Variants in GSS observed in about 807,000 individuals in gnomAD.
GSS encodes GSH synthetase.
A neutral mutation model predicts 60.4 loss-of-function variants in GSS; 34 were observed. That is an observed-to-expected ratio of 0.56 (90% confidence interval 0.43 to 0.75). The LOEUF (loss-of-function observed/expected upper bound fraction) is 0.75. Among genes scored for constraint, GSS ranks in the 30% least tolerant of loss-of-function variants. GSS has a pLI of 0.00. For synonymous variants in GSS, 224 were observed against 239.0 expected, an observed-to-expected ratio of 0.94 and a Z score of 0.58; for missense variants, 499 against 595.1, an observed-to-expected ratio of 0.84 and a Z score of 1.68.
intron 6 of GSS, among the ~76,000 whole-genome samples, chr20:34,939,673 G>T (rs1320377126): frequency 5.6e-4 from 77 of 138,128 alleles, no homozygotes; most frequent in South Asian, 3.5e-3. Context: ...TTTGTTTTTT[G>T]TTTTTTTTTT....
intron 6 of GSS, among the ~76,000 whole-genome samples, chr20:34,939,527 T>C (rs2081466825): frequency 1.3e-5 from 2 of 152,220 alleles, no homozygotes; most frequent in African/African-American, 2.4e-5. Context: ...ACATAGGCTT[T>C]AGAGGCAGAT....
At chr20:34,929,648 CCTCA>C in intron 11 of GSS, 58 bp from the exon 12 acceptor site, 2 of 1,499,156 alleles carry the variant, frequency 1.3e-6, no homozygotes, top group South Asian at 2.3e-5. Flanking sequence ...CATCCCATGC[CCTCA>C]CTTTTGGGGC....
At chr20:34,934,449 G>A (rs923940220) in intron 9 of GSS, among the ~76,000 whole-genome samples, 2 of 151,808 alleles carry the variant, frequency 1.3e-5, no homozygotes, top group South Asian at 2.1e-4. Flanking sequence ...GCTAATTTTT[G>A]TATTTTTAGT....
At chr20:34,955,335 T>A (rs1170000196) in intron 1 of GSS, 1 of 152,224 alleles carries the variant, frequency 6.6e-6, no homozygotes, top group Non-Finnish European at 1.5e-5. Context: ...TCGCACTTTA[T>A]CGCCAGGACT....
At position 34,951,825 on chromosome 20, in the gene GSS, G is replaced by T; in HGVS notation, c.28C>A (p.Gln10Lys). Reference protein sequence around the residue: MATNWGSLLQDKQQLEELAR... With the variant: MATNWGSLLKDKQQLEELAR... Reference sequence around the variant, plus strand: ...AGCTCCTCTAGCTGCTGTTTATCCTGCAAGAGGCTCCCCCAGTTGGTGGCC... The same window carrying T: ...AGCTCCTCTAGCTGCTGTTTATCCTTCAAGAGGCTCCCCCAGTTGGTGGCC... Residue 10 changes from glutamine (Q) to lysine (K), a missense_variant, in exon 2 of 13, where the codon CAG becomes AAG. Coordinates refer to ENST00000651619, the MANE Select transcript of GSS (RefSeq NM_000178.4). 6.2e-7 allele frequency: 1 copy of T among 1,614,158 alleles called. No homozygotes were observed. Among genetic ancestry groups the T allele is most frequent in the African/African-American group, 1.3e-5 (1 of 75,056 alleles).
chr20:34,934,530 G>T (rs1218199760), intron 9 of GSS, among the ~76,000 whole-genome samples: 1 of 152,072 alleles, frequency 6.6e-6, no homozygotes, highest in East Asian at 1.9e-4. Context: ...ACCTGCCTTG[G>T]CCTCCCAAAG....
chr20:34,942,710 A>T, intron 4 of GSS, 83 bp from the exon 5 acceptor site: 1 of 1,343,924 alleles, frequency 7.4e-7, no homozygotes, highest in Non-Finnish European at 1.1e-6. Context: ...GGTACCATGA[A>T]CTCTACACAG....
intron 5 of GSS, among the ~76,000 whole-genome samples, 175 bp downstream of exon 5, chr20:34,942,313 A>C (rs544452929): frequency 7.9e-5 from 12 of 152,216 alleles, no homozygotes; most frequent in African/African-American, 2.9e-4. Context: ...TTTCTCCCTG[A>C]CATACCAAGG....
At chr20:34,929,615 C>T (rs375485782) in intron 11 of GSS, 25 bp from the exon 12 acceptor site, 1 of 1,598,248 alleles carries the variant, frequency 6.3e-7, no homozygotes, top group Non-Finnish European at 8.6e-7. Context: ...GCCAGTCACC[C>T]TGGACCCTCT....
In GSS at chr20:34,937,028, GGAAA is replaced by G; in HGVS notation, c.609-9_609-6del. 1 of 1,610,698 alleles carries G rather than the reference GGAAA, an allele frequency of 6.2e-7. No homozygotes were observed. The highest frequency in any genetic ancestry group is 8.5e-7 in the Non-Finnish European group (1 of 1,177,428). ...GCAATCAGTAGCACCAGAGCACTGG[GGAAA>G]GAGCACAGGTGGCCCGAGGCTACTA... On this transcript the variant is annotated splice_region_variant and splice_polypyrimidine_tract_variant and intron_variant, in intron 6 of 12. Coordinates refer to ENST00000651619, the MANE Select transcript of GSS (RefSeq NM_000178.4).
At chr20:34,931,477 G>A in intron 10 of GSS, 60 bp from the exon 11 acceptor site, 2 of 1,324,870 alleles carry the variant, frequency 1.5e-6, no homozygotes, top group Non-Finnish European at 2.2e-6. Flanking sequence ...AAGAAGCTTA[G>A]GTCCAGCTGG....
intron 11 of GSS, 28 bp downstream of exon 11, chr20:34,931,308 G>A (rs1412125883): frequency 3.2e-6 from 5 of 1,553,604 alleles, no homozygotes; most frequent in Admixed American, 3.3e-5. Context: ...CTCTCATTGA[G>A]GAGCCCTGCA....
chr20:34,929,222 G>A, intron 12 of GSS, 179 bp downstream of exon 12: 2 of 723,670 alleles, frequency 2.8e-6, no homozygotes, highest in Non-Finnish European at 4.8e-6. Context: ...AGGTGGGCAG[G>A]TCTTGGGTCC....
intron 4 of GSS, 72 bp downstream of exon 4, chr20:34,942,859 T>G (rs2081495048): frequency 8.3e-7 from 1 of 1,200,646 alleles, no homozygotes; most frequent in Admixed American, 1.9e-5. Context: ...ACCAAATTCT[T>G]CAAGCAAAAC....
chr20:34,931,795 C>A (rs2081403293), intron 10 of GSS, 144 bp downstream of exon 10: 1 of 738,438 alleles, frequency 1.4e-6, no homozygotes, highest in Non-Finnish European at 2.4e-6. Flanking sequence ...GCTCAGAGTT[C>A]TAGGGGTTCT....
chr20:34,930,609 C>T (rs1296314131), intron 11 of GSS, among the ~76,000 whole-genome samples: 1 of 152,158 alleles, frequency 6.6e-6, no homozygotes, highest in Non-Finnish European at 1.5e-5. Context: ...TCCAGGACAT[C>T]TTCTACAATG....
intron 2 of GSS, among the ~76,000 whole-genome samples, chr20:34,948,569 A>C (rs546592534): frequency 3.3e-5 from 5 of 152,260 alleles, no homozygotes; most frequent in Admixed American, 6.5e-5. Context: ...GCAGATCACA[A>C]GATCAAGAGA....
At chr20:34,943,051 A>G in intron 3 of GSS, 45 bp from the exon 4 acceptor site, 1 of 1,363,462 alleles carries the variant, frequency 7.3e-7, no homozygotes, top group Non-Finnish European at 1.0e-6. Context: ...AATTGGACCT[A>G]AAATTTCAAG....
At chr20:34,936,329 C>T (rs183867926) in intron 8 of GSS, among the ~76,000 whole-genome samples, 330 of 152,314 alleles carry the variant, frequency 2.2e-3, no homozygotes, top group Middle Eastern at 0.01. Flanking sequence ...AGCACCAAAT[C>T]TACCTGGTGG....
Sources: gnomAD v4.1 joint callset for allele counts (sites outside exome capture counted in the v4.1 genomes callset) on GRCh38, gnomAD v4.1.1 for gene constraint, MANE v1.5 for transcripts, NCBI Gene and HGNC (gene_info 2026-07-23, HGNC 2026-07-21) for gene names.